NIT2: variants seen among roughly 807,000 people sequenced by gnomAD.
NIT2 encodes omega-amidase NIT2.
Under a neutral mutation model 42.7 loss-of-function variants are expected in NIT2, and 46 were observed. The observed-to-expected ratio is 1.08, with a 90% CI of 0.85 to 1.38. NIT2 has a LOEUF of 1.38. Among genes scored for constraint, NIT2 ranks in the 40% most tolerant of loss-of-function variants. The probability of loss-of-function intolerance (pLI) is 0.00; values close to 1 mark genes in which losing one functional copy is unlikely to be tolerated. For synonymous variants in NIT2, 123 were observed against 121.9 expected, an observed-to-expected ratio of 1.01 and a Z score of -0.06; for missense variants, 309 against 342.5, an observed-to-expected ratio of 0.90 and a Z score of 0.77.
chr3:100,355,087 C>A, intron 9 of NIT2, 90 bp from the exon 10 acceptor site: 1 of 948,012 alleles, frequency 1.1e-6, no homozygotes. Context: ...CTTACTAAGA[C>A]TCTGGTGGTT....
In NIT2 at chr3:100,357,256, C is replaced by G. The variant is rs527339162; in HGVS notation, c.*1988C>G. ...CCACTGCTCTCTATCCTAGCAGGCA[C>G]ACTGAAAGTTAAACCTTGTAATAGT... On this transcript the variant is annotated 3_prime_UTR_variant, in exon 10 of 10. Coordinates refer to ENST00000394140, the MANE Select transcript of NIT2 (RefSeq NM_020202.5). The G allele has an allele frequency of 1.3e-5, 2 of 152,290 alleles. No homozygotes were observed. The highest frequency in any genetic ancestry group is 4.8e-5 in the African/African-American group (2 of 41,554). The allele number at this position is 152,290 out of a possible 1,614,324, so 9.4% of individuals were successfully genotyped here.
rs990731185 is a variant in NIT2 at position 100,354,921 on chromosome 3, T to C, written c.739+94T>C. ...GGGAAGTCCCTGTCATTTGGAGGGGTTCCTTTATGCCCCTTCTCATTGATC... is the reference window on the plus strand; with the variant it reads ...GGGAAGTCCCTGTCATTTGGAGGGGCTCCTTTATGCCCCTTCTCATTGATC... On this transcript the variant is annotated intron_variant, in intron 9 of 9. Transcript: ENST00000394140. The C allele has an allele frequency of 3.8e-6, 4 of 1,044,628 alleles. No individual in the cohort carries two copies. The African/African-American group carries it at 4.8e-5, about 12-fold the overall frequency. 64.7% of individuals were successfully genotyped at this position (1,044,628 alleles called of 1,614,324 possible).
Position 100,355,615 on chromosome 3 carries a change from TG to T in NIT2, c.*349del. On this transcript the variant is annotated 3_prime_UTR_variant, in exon 10 of 10. Coordinates refer to ENST00000394140, the MANE Select transcript of NIT2 (RefSeq NM_020202.5). ...TGTCATGAACCTCTTATCCCGTTGC[TG>T]GAGTTGTAATCTCCATCATCTAGAA... 5.4e-6 allele frequency: 1 copy of T among 186,300 alleles called. No homozygotes were observed. The highest frequency in any genetic ancestry group is 1.5e-4 in the South Asian group (1 of 6,640). The allele number at this position is 186,300 out of a possible 1,614,324, so 11.5% of individuals were successfully genotyped here.
intron 1 of NIT2, among the ~76,000 whole-genome samples, chr3:100,336,333 G>A (rs540288991): frequency 6.6e-6 from 1 of 152,302 alleles, no homozygotes; most frequent in African/African-American, 2.4e-5. Context: ...AATTGAAGGG[G>A]TGGGTTGCCC....
chr3:100,360,959 AC>A lies in NIT2; in HGVS notation c.*5694del, dbSNP rs1245243094. On this transcript the variant is annotated 3_prime_UTR_variant, in exon 10 of 10. Coordinates refer to ENST00000394140, the MANE Select transcript of NIT2 (RefSeq NM_020202.5). ...TCATTAGATTTGGGCTGTGACGCAA[AC>A]CCACTGCATGTGCAGTATCCACCTA... is the stretch of plus-strand genomic sequence containing the variant. 2.0e-5 allele frequency: 3 copies of A among 152,224 alleles called. No homozygotes were observed. Among genetic ancestry groups the A allele is most frequent in the Non-Finnish European group, 4.4e-5 (3 of 68,046 alleles). The allele number at this position is 152,224 out of a possible 1,614,324, so 9.4% of individuals were successfully genotyped here.
At position 100,341,058 on chromosome 3, in the gene NIT2, T is replaced by C; in HGVS notation, c.248-15T>C. ...TATTCTTTTTCTTATGGTATGTTTC[T>C]TCTCTCAATGAAAGGCTCTATCCCT... On this transcript the variant is annotated splice_polypyrimidine_tract_variant and intron_variant, in intron 3 of 9. Transcript: ENST00000394140. The C allele has an allele frequency of 6.4e-7, 1 of 1,564,836 alleles. No homozygotes were observed. Among genetic ancestry groups the C allele is most frequent in the African/African-American group, 1.3e-5 (1 of 74,082 alleles).
chr3:100,338,046 A>C (rs1706098399), intron 1 of NIT2, among the ~76,000 whole-genome samples: 1 of 152,198 alleles, frequency 6.6e-6, no homozygotes, highest in Non-Finnish European at 1.5e-5. Flanking sequence ...ACTCCAGCCT[A>C]GGCGACAGAA....
rs563962277 is a variant in NIT2 at position 100,346,995 on chromosome 3, C to T, written c.505+740C>T. ...ATATCAATAAGCCTTAGGGCAACTC[C>T]TCGGCCCCTAATTTCAGTTGAAAAG... On this transcript the variant is annotated intron_variant, in intron 6 of 9. Coordinates refer to ENST00000394140, the MANE Select transcript of NIT2 (RefSeq NM_020202.5). Among the ~76,000 whole-genome samples the T allele has an allele frequency of 2.0e-4, 30 of 152,272 alleles. No homozygotes were observed. The South Asian group carries it at 2.1e-3, about 11-fold the overall frequency.
chr3:100,345,052 T>G (rs1010447212), intron 4 of NIT2, among the ~76,000 whole-genome samples: 6 of 152,070 alleles, frequency 3.9e-5, no homozygotes, highest in African/African-American at 1.4e-4. Context: ...CCTCCCAGGT[T>G]TGAGCAATTC....
chr3:100,336,636 G>T (rs1413372890), intron 1 of NIT2, among the ~76,000 whole-genome samples: 3 of 152,212 alleles, frequency 2.0e-5, no homozygotes, highest in Non-Finnish European at 2.9e-5. Flanking sequence ...CTGTGCTTTA[G>T]ATATGCATAC....
At chr3:100,347,867 A>G (rs1355885097) in intron 6 of NIT2, among the ~76,000 whole-genome samples, 2 of 151,882 alleles carry the variant, frequency 1.3e-5, no homozygotes, top group Admixed American at 1.3e-4. Context: ...ATGCGCAAGG[A>G]GGTTTGGGCC....
At chr3:100,354,458 C>T (rs1298334585) in intron 8 of NIT2, among the ~76,000 whole-genome samples, 3 of 152,166 alleles carry the variant, frequency 2.0e-5, no homozygotes, top group African/African-American at 7.2e-5. Context: ...GCTCTATTGC[C>T]AGATCTTTAT....
At chr3:100,335,871 T>C (rs1706064133) in intron 1 of NIT2, among the ~76,000 whole-genome samples, 1 of 152,132 alleles carries the variant, frequency 6.6e-6, no homozygotes. Flanking sequence ...ATTAGCCCGG[T>C]GTGGTGGCAC....
In NIT2 at chr3:100,359,218, C is replaced by G. The variant is rs1706350602; in HGVS notation, c.*3950C>G. 1 of 152,202 alleles carries G rather than the reference C, an allele frequency of 6.6e-6. No individual in the cohort carries two copies. Among genetic ancestry groups the G allele is most frequent in the Non-Finnish European group, 1.5e-5 (1 of 68,032 alleles). The allele number at this position is 152,202 out of a possible 1,614,324, so 9.4% of individuals were successfully genotyped here. ...TCAATGATTTACTTCACAGCTGATTCATAATCAAATGAACAAGAATCTGCA... is the reference window on the plus strand; with the variant it reads ...TCAATGATTTACTTCACAGCTGATTGATAATCAAATGAACAAGAATCTGCA... On this transcript the variant is annotated 3_prime_UTR_variant, in exon 10 of 10. Transcript: ENST00000394140.
Position 100,361,366 on chromosome 3 carries a change from C to G in NIT2, c.*6098C>G, listed in dbSNP as rs1416220814. 1 of 152,176 alleles carries G rather than the reference C, an allele frequency of 6.6e-6. No individual in the cohort carries two copies. The highest frequency in any genetic ancestry group is 1.5e-5 in the Non-Finnish European group (1 of 68,046). 9.4% of individuals were successfully genotyped at this position (152,176 alleles called of 1,614,324 possible). On this transcript the variant is annotated 3_prime_UTR_variant, in exon 10 of 10. Transcript: ENST00000394140. ...TGTTTCATAGCCTTCCAGGACAACA[C>G]TTGCACAGGTTATCTTTAAGCACCA... is the stretch of plus-strand genomic sequence containing the variant.
intron 2 of NIT2, among the ~76,000 whole-genome samples, chr3:100,339,577 A>T (rs76492545): frequency 0.016 from 2,387 of 151,758 alleles, 56 homozygotes; most frequent in African/African-American, 0.051. Flanking sequence ...TTTTTTTTTT[A>T]AATGAGCTCT....
At chr3:100,343,916 A>G (rs184635175) in intron 4 of NIT2, among the ~76,000 whole-genome samples, 10 of 152,342 alleles carry the variant, frequency 6.6e-5, no homozygotes, top group Non-Finnish European at 1.2e-4. Context: ...CAGTCTTCCA[A>G]AAAGTGTTGA....
intron 1 of NIT2, among the ~76,000 whole-genome samples, chr3:100,338,197 C>T (rs1390064771): frequency 1.3e-5 from 2 of 152,126 alleles, no homozygotes; most frequent in East Asian, 1.9e-4. Context: ...TTGGAAGAGC[C>T]CCCAACCTCC....
In NIT2 at chr3:100,334,785, C is replaced by G. The variant is rs1005856180; in HGVS notation, c.-7C>G. On this transcript the variant is annotated 5_prime_UTR_variant, in exon 1 of 10. Coordinates refer to ENST00000394140, the MANE Select transcript of NIT2 (RefSeq NM_020202.5). ...CCGCGCCGCAGGTGGTGCTTGTCTG[C>G]AGAGTCATGACCTGTAAGTGGCGCG... is the stretch of plus-strand genomic sequence containing the variant. The G allele has an allele frequency of 7.7e-7, 1 of 1,300,220 alleles. No individual in the cohort carries two copies. The highest frequency in any genetic ancestry group is 1.5e-5 in the African/African-American group (1 of 66,086). The allele number at this position is 1,300,220 out of a possible 1,614,324, so 80.5% of individuals were successfully genotyped here.
Sources: allele counts gnomAD v4.1 joint callset (sites outside exome capture counted in the v4.1 genomes callset), GRCh38; gene constraint gnomAD v4.1.1; transcripts MANE v1.5; gene names NCBI Gene and HGNC (gene_info 2026-07-23, HGNC 2026-07-21).